The following XAB2 variants were observed in gnomAD, a reference collection of about 807,000 sequenced individuals.
XAB2 encodes the protein XPA binding protein 2, also known as pre-mRNA-splicing factor SYF1.
A neutral mutation model predicts 113.4 loss-of-function variants in XAB2; 57 were observed. The ratio of observed to expected loss-of-function variants is 0.50; its 90% CI spans 0.41 to 0.63. The LOEUF is 0.63. XAB2 is among the 20% of genes least tolerant of loss of function. The pLI, the probability that XAB2 is intolerant of heterozygous loss-of-function variation, is 0.00. For synonymous variants in XAB2, 497 were observed against 498.8 expected (o/e 1.00, Z 0.05); for missense variants, 1,037 against 1,233.3 (o/e 0.84, Z 2.38).
Position 7,620,669 on chromosome 19 carries a change from C to A in XAB2, c.1972G>T (p.Val658Leu). 1 of 1,612,608 alleles carries A rather than the reference C, an allele frequency of 6.2e-7. No homozygotes were observed. The highest frequency in any genetic ancestry group is 1.1e-5 in the South Asian group (1 of 91,076). ...TCACGCGCGTGCTCGTCCGACAGCA[C>A]CTGGACACCGGGGTTGGGGAGGCCG... Reference protein sequence around the residue: ...TRGIYQKAIEVLSDEHAREMC... With the variant: ...TRGIYQKAIELLSDEHAREMC... Residue 658 changes from valine to leucine, a missense_variant and splice_region_variant, in exon 15 of 19, where the codon GTG becomes TTG. Physicochemically the swap from Val to Leu is conservative, Grantham distance 32 (BLOSUM62 1). Coordinates refer to ENST00000358368, the MANE Select transcript of XAB2 (RefSeq NM_020196.3).
intron 9 of XAB2, 77 bp from the exon 10 acceptor site, chr19:7,622,970 C>T (rs2031066737): frequency 6.4e-7 from 1 of 1,574,252 alleles, no homozygotes; most frequent in African/African-American, 1.3e-5. Flanking sequence ...AGAAAGGTGA[C>T]CATGCTCACA....
At chr19:7,620,760 C>T (rs1475066558) in intron 14 of XAB2, 86 bp downstream of exon 14, 26 of 1,578,712 alleles carry the variant, frequency 1.6e-5, no homozygotes, top group Non-Finnish European at 2.2e-5. Context: ...TTCCAGAAGG[C>T]TCCTCCTCAG....
rs751463948 is a variant in XAB2 at position 7,627,458 on chromosome 19, G to A, written c.325-18C>T. The A allele has an allele frequency of 3.8e-6, 6 of 1,591,376 alleles. No homozygotes were observed. In the Admixed American group the frequency reaches 1.1e-4, roughly 28 times the overall value. ...CGAGGCATCTGGGGGTGTGGGGAGAGGCGGCTGGGGCTAAGCCACGGACTC... is the reference window on the plus strand; with the variant it reads ...CGAGGCATCTGGGGGTGTGGGGAGAAGCGGCTGGGGCTAAGCCACGGACTC... On this transcript the variant is annotated intron_variant, in intron 3 of 18. Transcript: ENST00000358368. The surrounding 1 kb of genome is among the most constrained non-coding windows in gnomAD (Gnocchi z 4.5).
chr19:7,619,723 T>A, intron 18 of XAB2, 24 bp downstream of exon 18: 1 of 1,612,526 alleles, frequency 6.2e-7, no homozygotes, highest in South Asian at 1.1e-5. Context: ...AATGCCACCG[T>A]CCCCGCCCCA....
chr19:7,626,015 G>C lies in XAB2; in HGVS notation c.687C>G (p.Ser229=). Residue 229 remains serine (S), a synonymous_variant, in exon 6 of 19, where the codon TCC becomes TCG. Coordinates refer to ENST00000358368, the MANE Select transcript of XAB2 (RefSeq NM_020196.3). ...QLWHELCDLI[S]QNPDKVQSLN... The stretch of plus-strand genomic sequence containing the variant: ...GGGACTGTACCTTGTCCGGATTCTG[G>C]GAGATGAGGTCGCACAGCTCGTGCC... 1 of 1,611,814 alleles carries C rather than the reference G, an allele frequency of 6.2e-7. No homozygotes were observed. Among genetic ancestry groups the C allele is most frequent in the Non-Finnish European group, 8.5e-7 (1 of 1,178,314 alleles).
Position 7,622,670 on chromosome 19 carries a change from G to C in XAB2, c.1372-9C>G. On this transcript the variant is annotated splice_polypyrimidine_tract_variant and intron_variant, in intron 10 of 18. Coordinates refer to ENST00000358368, the MANE Select transcript of XAB2 (RefSeq NM_020196.3). ...GGCAGCGCCGTGGCCTTCTGCAGGG[G>C]CAGACAGTGGCCGGGGAGGCGCTCA... is the stretch of plus-strand genomic sequence containing the variant. The C allele has an allele frequency of 6.2e-7, 1 of 1,611,808 alleles. No homozygotes were observed. Among genetic ancestry groups the C allele is most frequent in the Admixed American group, 1.7e-5 (1 of 60,012 alleles).
At position 7,627,449 on chromosome 19, in the gene XAB2, G is replaced by A. The variant is rs750102222; in HGVS notation, c.325-9C>T. The stretch of plus-strand genomic sequence containing the variant: ...AGCCACAGACGAGGCATCTGGGGGT[G>A]TGGGGAGAGGCGGCTGGGGCTAAGC... On this transcript the variant is annotated splice_polypyrimidine_tract_variant and intron_variant, in intron 3 of 18. Coordinates refer to ENST00000358368, the MANE Select transcript of XAB2 (RefSeq NM_020196.3). This position sits in a 1 kb window ranked among gnomAD's most constrained non-coding sequence, Gnocchi z 4.5. 6.2e-7 allele frequency: 1 copy of A among 1,600,046 alleles called. No individual in the cohort carries two copies. The highest frequency in any genetic ancestry group is 8.5e-7 in the Non-Finnish European group (1 of 1,174,746).
rs910437379 is a variant in XAB2, at chr19:7,625,478, T to C, written c.822+402A>G. Among the ~76,000 whole-genome samples the C allele has an allele frequency of 1.7e-4, 24 of 139,682 alleles. No individual in the cohort carries two copies. In the East Asian group the frequency reaches 6.5e-3, roughly 38 times the overall value. The allele number at this position is 139,682 out of a possible 152,430, so 91.6% of individuals were successfully genotyped here. A position where few individuals can be genotyped will look rare whatever the true frequency, so the allele number is the denominator to read the frequency against. ...CATGTCTGTCAAAAATGGCACTTTTTTTTTTTTTTTTTTTTTTTGAGATGG... is the reference window on the plus strand; with the variant it reads ...CATGTCTGTCAAAAATGGCACTTTTCTTTTTTTTTTTTTTTTTTGAGATGG... On this transcript the variant is annotated intron_variant, in intron 6 of 18. Transcript: ENST00000358368. The surrounding 1 kb of genome is among the most constrained non-coding windows in gnomAD (Gnocchi z 5.2).
rs1186465756 is a variant in XAB2, at chr19:7,623,130, ACATG to A, written c.1239+36_1239+39del. 6.2e-7 allele frequency: 1 copy of A among 1,608,518 alleles called. No individual in the cohort carries two copies. Among genetic ancestry groups the A allele is most frequent in the South Asian group, 1.1e-5 (1 of 90,948 alleles). ...CATGCACACATATACAAGCACACAC[ACATG>A]CATGAACACACAGGCACACGCAACA... On this transcript the variant is annotated intron_variant, in intron 9 of 18. Coordinates refer to ENST00000358368, the MANE Select transcript of XAB2 (RefSeq NM_020196.3). This position sits in a 1 kb window ranked among gnomAD's most constrained non-coding sequence, Gnocchi z 4.6.
chr19:7,624,644 T>C lies in XAB2; in HGVS notation c.823-199A>G, dbSNP rs2031102919. ...GCCCTGCCCTGCACTGCCAGGGTGG[T>C]CTTGGGAGCTTCAGGACCTCCTCAG... On this transcript the variant is annotated intron_variant, in intron 6 of 18. Transcript: ENST00000358368. The surrounding 1 kb of genome is among the most constrained non-coding windows in gnomAD (Gnocchi z 4.2). Among the ~76,000 whole-genome samples, 1 of 152,076 alleles carries C rather than the reference T, an allele frequency of 6.6e-6. No individual in the cohort carries two copies. The highest frequency in any genetic ancestry group is 1.5e-5 in the Non-Finnish European group (1 of 68,006).
At position 7,619,555 on chromosome 19, in the gene XAB2, G is replaced by A. The variant is rs766761886; in HGVS notation, c.*31C>T. 32 of 1,469,696 alleles carry A rather than the reference G, an allele frequency of 2.2e-5. No homozygotes were observed. In the African/African-American group the frequency reaches 4.5e-4, roughly 21 times the overall value. The allele number at this position is 1,469,696 out of a possible 1,614,324, so 91.0% of individuals were successfully genotyped here. ...TACAAACGTAGCTGTATTGGGGAGG[G>A]GGTGGGGAGGGGGGATGGGGGAGGG... On this transcript the variant is annotated 3_prime_UTR_variant, in exon 19 of 19. Transcript: ENST00000358368.
At position 7,628,802 on chromosome 19, in the gene XAB2, C is replaced by G. The variant is rs2146190843; in HGVS notation, c.52-504G>C. ...CACCAGGGCTCTCAGGTCCAGATTC[C>G]AAGCCACTAGCCCCGCCCCCAGGAT... is the stretch of plus-strand genomic sequence containing the variant. On this transcript the variant is annotated intron_variant, in intron 1 of 18. Coordinates refer to ENST00000358368, the MANE Select transcript of XAB2 (RefSeq NM_020196.3). This position sits in a 1 kb window ranked among gnomAD's most constrained non-coding sequence, Gnocchi z 4.6. Among the ~76,000 whole-genome samples, 1 of 152,296 alleles carries G rather than the reference C, an allele frequency of 6.6e-6. No homozygotes were observed. The highest frequency in any genetic ancestry group is 1.9e-4 in the East Asian group (1 of 5,178).
chr19:7,620,142 C>A, intron 16 of XAB2, 67 bp from the exon 17 acceptor site: 1 of 1,594,608 alleles, frequency 6.3e-7, no homozygotes, highest in Non-Finnish European at 8.5e-7. Context: ...TTGCACTATC[C>A]CAGTCCCCCA....
At position 7,622,833 on chromosome 19, in the gene XAB2, T is replaced by C; in HGVS notation, c.1300A>G (p.Ser434Gly). 1.2e-6 allele frequency: 2 copies of C among 1,614,040 alleles called. No homozygotes were observed. ...VNFKQVDDLA[S>G]VWCQCGELEL... ...AGCTCTCCGCACTGACACCACACGC[T>C]TGCCAGGTCATCCACCTGCTTGAAG... The change falls in exon 10 of 19, where the codon AGC (serine) becomes GGC (glycine). Residue 434 changes from serine (S) to glycine (G), a missense_variant. Ser to Gly is a moderately conservative substitution (Grantham distance 56). Coordinates refer to ENST00000358368, the MANE Select transcript of XAB2 (RefSeq NM_020196.3).
Position 7,626,187 on chromosome 19 carries a change from G to A in XAB2, c.606C>T (p.Thr202=), listed in dbSNP as rs200652064. ...RLDEAAQRLA[T]VVNDERFVSK... Reference sequence around the variant, plus strand: ...ACACGAAACGCTCGTCGTTCACCACGGTGGCCAGGCGCTGGGCGGCCTCAT... The same window carrying A: ...ACACGAAACGCTCGTCGTTCACCACAGTGGCCAGGCGCTGGGCGGCCTCAT... The change falls in exon 5 of 19, where the codon ACC becomes ACT. Residue 202 remains threonine (T), a synonymous_variant. Coordinates refer to ENST00000358368, the MANE Select transcript of XAB2 (RefSeq NM_020196.3). 21 of 1,613,730 alleles carry A rather than the reference G, an allele frequency of 1.3e-5. No homozygotes were observed. In the Admixed American group the frequency reaches 1.3e-4, roughly 10 times the overall value.
chr19:7,629,361 G>C (rs2031209773), intron 1 of XAB2, 116 bp downstream of exon 1: 2 of 1,303,864 alleles, frequency 1.5e-6, no homozygotes, highest in African/African-American at 2.9e-5. Context: ...AGGGTTCCCA[G>C]ACCTTGGCCT....
At chr19:7,621,095 G>GGGCCCCCCCCCC in intron 13 of XAB2, 40 bp downstream of exon 13, 5 of 1,486,122 alleles carry the variant, frequency 3.4e-6, no homozygotes, top group Non-Finnish European at 4.5e-6. Context: ...CAGAAACCCA[G>GGGCCCCCCCCCC]CCCGCCCGCC....
chr19:7,627,227 C>T lies in XAB2; in HGVS notation c.522+16G>A, dbSNP rs1199536543. 1 of 1,610,018 alleles carries T rather than the reference C, an allele frequency of 6.2e-7. No individual in the cohort carries two copies. Among genetic ancestry groups the T allele is most frequent in the East Asian group, 2.2e-5 (1 of 44,884 alleles). ...TGGAAACTAACCTGGGGAACCAGCG[C>T]ACCTGCTAGGCTCACCTTGAGGAAG... On this transcript the variant is annotated intron_variant, in intron 4 of 18. Transcript: ENST00000358368. The surrounding 1 kb of genome is among the most constrained non-coding windows in gnomAD (Gnocchi z 4.5).
chr19:7,621,778 A>C, intron 12 of XAB2: 1 of 186,798 alleles, frequency 5.4e-6, no homozygotes. Flanking sequence ...CACCCCCTGG[A>C]CCCCACAACC....
Sources: gnomAD v4.1 joint callset for allele counts (sites outside exome capture counted in the v4.1 genomes callset) on GRCh38, gnomAD v4.1.1 for gene constraint, Gnocchi (gnomAD v3.1) non-coding constraint, MANE v1.5 for transcripts, NCBI Gene and HGNC (gene_info 2026-07-23, HGNC 2026-07-21) for gene names.